Variants in CATSPERB observed in about 807,000 individuals in gnomAD.
CATSPERB encodes cation channel sperm-associated auxiliary subunit beta.
Under a neutral mutation model 128.3 loss-of-function variants are expected in CATSPERB, and 93 were observed. The observed-to-expected ratio is 0.72, with a 90% CI of 0.61 to 0.86. CATSPERB has a LOEUF of 0.86. CATSPERB is among the 40% of genes least tolerant of loss of function. The pLI is 0.00. For missense variants in CATSPERB, 1,153 were observed against 1,329.5 expected (o/e 0.87, Z 2.06); for synonymous variants, 381 against 448.8 (o/e 0.85, Z 1.91).
intron 14 of CATSPERB, among the ~76,000 whole-genome samples, chr14:91,663,702 G>A (rs1894928760): frequency 6.6e-6 from 1 of 151,474 alleles, no homozygotes; most frequent in Non-Finnish European, 1.5e-5. Flanking sequence ...TGAAGAGATG[G>A]CGGATATTTT....
In CATSPERB at chr14:91,693,492, A is replaced by G. The variant is rs1895505996; in HGVS notation, c.617-13T>C. 6.2e-7 allele frequency: 1 copy of G among 1,606,378 alleles called. No individual in the cohort carries two copies. Among genetic ancestry groups the G allele is most frequent in the African/African-American group, 1.3e-5 (1 of 74,708 alleles). ...CCTATGTAAACACCTACCATGAAAC[A>G]AAAGGAAAATTAAAGCCAGGCAACT... On this transcript the variant is annotated splice_polypyrimidine_tract_variant and intron_variant, in intron 7 of 26. Transcript: ENST00000256343.
intron 22 of CATSPERB, chr14:91,604,901 T>A: frequency 1.6e-6 from 2 of 1,265,324 alleles, no homozygotes; most frequent in Non-Finnish European, 2.3e-6. Context: ...GAACCACGTC[T>A]TAACCTGTTT....
At position 91,631,171 on chromosome 14, in the gene CATSPERB, CTCCA is replaced by C. The variant is rs551687664; in HGVS notation, c.1742+5250_1742+5253del. Among the ~76,000 whole-genome samples, 386 of 152,352 alleles carry C rather than the reference CTCCA, an allele frequency of 2.5e-3. 3 individuals carry two copies. The highest frequency in any genetic ancestry group is 8.9e-3 in the African/African-American group (370 of 41,582). On this transcript the variant is annotated intron_variant, in intron 17 of 26. Coordinates refer to ENST00000256343, the MANE Select transcript of CATSPERB (RefSeq NM_024764.4). ...CTGTATCTGTTTATTAGAATGTCATCTCCATGCAGGGAAGAGTCTTGTCTATCTT... is the reference window on the plus strand; with the variant it reads ...CTGTATCTGTTTATTAGAATGTCATCTGCAGGGAAGAGTCTTGTCTATCTT...
intron 14 of CATSPERB, 24 bp from the exon 15 acceptor site, chr14:91,660,005 CT>C: frequency 6.5e-7 from 1 of 1,549,594 alleles, no homozygotes; most frequent in South Asian, 1.2e-5. Context: ...GAGATAATAC[CT>C]TACTAAAGGG....
chr14:91,622,023 C>T (rs1290315711), intron 18 of CATSPERB, 86 bp from the exon 19 acceptor site: 5 of 850,998 alleles, frequency 5.9e-6, no homozygotes, highest in Non-Finnish European at 8.9e-6. Context: ...AACAAATACA[C>T]TGTTTGAGTT....
intron 22 of CATSPERB, among the ~76,000 whole-genome samples, chr14:91,599,140 C>T (rs1315993219): frequency 6.6e-6 from 1 of 152,084 alleles, no homozygotes; most frequent in Non-Finnish European, 1.5e-5. Context: ...ATAAAGTTAG[C>T]TCATGCTGGT....
chr14:91,615,953 C>A (rs550593476), intron 20 of CATSPERB, among the ~76,000 whole-genome samples: 179 of 144,910 alleles, frequency 1.2e-3, no homozygotes, highest in African/African-American at 4.5e-3. Context: ...GATCTCGGCT[C>A]ACTGCAACTT....
At chr14:91,582,153 C>G (rs1233821288) in intron 26 of CATSPERB, among the ~76,000 whole-genome samples, 1 of 152,162 alleles carries the variant, frequency 6.6e-6, no homozygotes, top group Non-Finnish European at 1.5e-5. Flanking sequence ...CCCACCAGTC[C>G]GTGTTGACAT....
chr14:91,604,014 G>GTCTC (rs776140625), intron 22 of CATSPERB, among the ~76,000 whole-genome samples: 1 of 124,618 alleles, frequency 8.0e-6, no homozygotes, highest in Non-Finnish European at 1.6e-5. Flanking sequence ...CTCTCTGTCT[G>GTCTC]TCTCTCTCTC....
Position 91,723,193 on chromosome 14 carries a change from T to G in CATSPERB, c.169-4A>C. On this transcript the variant is annotated splice_region_variant and splice_polypyrimidine_tract_variant and intron_variant, in intron 3 of 26. Coordinates refer to ENST00000256343, the MANE Select transcript of CATSPERB (RefSeq NM_024764.4). ...TTTGGAAGAAACACTGGATTTTCTT[T>G]AGGAAAGCAAGAAAAAAAAAAACAA... 7.0e-7 allele frequency: 1 copy of G among 1,430,402 alleles called. No individual in the cohort carries two copies. The highest frequency in any genetic ancestry group is 9.1e-7 in the Non-Finnish European group (1 of 1,093,616). The allele number at this position is 1,430,402 out of a possible 1,614,324, so 88.6% of individuals were successfully genotyped here.
chr14:91,691,597 G>C, intron 9 of CATSPERB, 42 bp from the exon 10 acceptor site: 1 of 1,497,680 alleles, frequency 6.7e-7, no homozygotes, highest in Non-Finnish European at 9.2e-7. Context: ...TTGCATATCA[G>C]AAGGCCTAAC....
chr14:91,608,323 T>C lies in CATSPERB; in HGVS notation c.2680A>G (p.Ile894Val). ...GACATGTGAAACATGTTTCTTGGTA[T>C]GGGTTTGCTAGGATCTGCATGATAA... ...NFYHADPSKP[I>V]PRNMFHMSKK... Residue 894 changes from isoleucine to valine, a missense_variant, in exon 22 of 27, where the codon ATA (isoleucine) becomes GTA (valine). Coordinates refer to ENST00000256343, the MANE Select transcript of CATSPERB (RefSeq NM_024764.4). The C allele has an allele frequency of 1.2e-6, 2 of 1,610,390 alleles. No individual in the cohort carries two copies. Among genetic ancestry groups the C allele is most frequent in the Non-Finnish European group, 1.7e-6 (2 of 1,176,998 alleles).
chr14:91,672,893 T>C lies in CATSPERB; in HGVS notation c.1102A>G (p.Thr368Ala), dbSNP rs773041934. The change falls in exon 13 of 27, where the codon ACT becomes GCT. Residue 368 changes from threonine (T) to alanine (A), a missense_variant. Coordinates refer to ENST00000256343, the MANE Select transcript of CATSPERB (RefSeq NM_024764.4). Reference sequence around the variant, plus strand: ...TTGTTATAGAAGAGGTAAACTCCAGTACCACGCTCTTGGTCAACAAGAAAT... The same window carrying C: ...TTGTTATAGAAGAGGTAAACTCCAGCACCACGCTCTTGGTCAACAAGAAAT... ...LTFLVDQERGTGVYLFYNKVR... is the reference protein window; with the variant it reads ...LTFLVDQERGAGVYLFYNKVR... 1 of 1,589,418 alleles carries C rather than the reference T, an allele frequency of 6.3e-7. No homozygotes were observed. Among genetic ancestry groups the C allele is most frequent in the African/African-American group, 1.4e-5 (1 of 73,082 alleles).
intron 26 of CATSPERB, among the ~76,000 whole-genome samples, chr14:91,583,107 T>TC (rs1269285518): frequency 6.6e-6 from 1 of 152,188 alleles, no homozygotes; most frequent in Non-Finnish European, 1.5e-5. Context: ...TTTCAGTCAC[T>TC]CCACCAGATG....
intron 5 of CATSPERB, among the ~76,000 whole-genome samples, chr14:91,714,201 A>C (rs1301608975): frequency 6.6e-6 from 1 of 151,854 alleles, no homozygotes; most frequent in Non-Finnish European, 1.5e-5. Flanking sequence ...TAAAACTGGA[A>C]ACAAGGCAAG....
At chr14:91,704,511 T>G (rs1200590701) in intron 7 of CATSPERB, 41 bp downstream of exon 7, 1 of 1,560,316 alleles carries the variant, frequency 6.4e-7, no homozygotes, top group South Asian at 1.2e-5. Flanking sequence ...TTACAAAATA[T>G]AAAAGGCCAA....
At chr14:91,691,038 A>G (rs1277174489) in intron 10 of CATSPERB, among the ~76,000 whole-genome samples, 1 of 152,232 alleles carries the variant, frequency 6.6e-6, no homozygotes, top group Non-Finnish European at 1.5e-5. Context: ...AAAATCCCCC[A>G]AAAGGCCAGA....
At chr14:91,677,052 C>T (rs1895203346) in intron 11 of CATSPERB, among the ~76,000 whole-genome samples, 1 of 152,192 alleles carries the variant, frequency 6.6e-6, no homozygotes, top group African/African-American at 2.4e-5. Context: ...CCCTTCCTCA[C>T]ACCTTATAGA....
intron 22 of CATSPERB, among the ~76,000 whole-genome samples, chr14:91,599,912 C>T (rs956180838): frequency 2.6e-5 from 4 of 152,186 alleles, no homozygotes; most frequent in Non-Finnish European, 5.9e-5. Flanking sequence ...GAAAAGGAGG[C>T]AGGTTTGCCC....
Sources: allele counts gnomAD v4.1 joint callset (sites outside exome capture counted in the v4.1 genomes callset), GRCh38; gene constraint gnomAD v4.1.1; transcripts MANE v1.5; gene names NCBI Gene and HGNC (gene_info 2026-07-23, HGNC 2026-07-21).